The following KCNK10 variants were observed in gnomAD, a reference collection of about 807,000 sequenced individuals.
KCNK10 encodes the protein potassium channel subfamily K member 10.
In KCNK10, 25 loss-of-function variants were observed where a neutral mutation model predicts 47.7. The ratio of observed to expected loss-of-function variants is 0.52; its 90% CI spans 0.38 to 0.73. The LOEUF (loss-of-function observed/expected upper bound fraction) is 0.73, where lower values mean the gene tolerates loss of function less well. Ranked by LOEUF, KCNK10 falls within the 30% of genes least tolerant of loss-of-function variation. The pLI is 0.00. For missense variants in KCNK10, 563 were observed against 714.5 expected (o/e 0.79, Z 2.42); for synonymous variants, 303 against 285.6 (o/e 1.06, Z -0.61).
rs1884458031 is a variant in KCNK10, at chr14:88,184,073, C to G, written c.*1462G>C. The G allele has an allele frequency of 1.3e-5, 2 of 152,336 alleles. No individual in the cohort carries two copies. Among genetic ancestry groups the G allele is most frequent in the South Asian group, 2.1e-4 (1 of 4,816 alleles). 9.4% of individuals were successfully genotyped at this position (152,336 alleles called of 1,614,324 possible). A position where few individuals can be genotyped will look rare whatever the true frequency, so the allele number is the denominator to read the frequency against. ...ATTATGATAAAGACTGAGGCATACA[C>G]AGGAGTATGTATTTTCCCCTTTCTG... On this transcript the variant is annotated 3_prime_UTR_variant, in exon 7 of 7. Coordinates refer to ENST00000319231, the MANE Select transcript of KCNK10 (RefSeq NM_138317.3).
At chr14:88,286,594 A>C (rs1887765446) in intron 1 of KCNK10, among the ~76,000 whole-genome samples, 2 of 152,196 alleles carry the variant, frequency 1.3e-5, no homozygotes, top group African/African-American at 4.8e-5. Flanking sequence ...TGGGTAATTA[A>C]TTTATAAAGA....
At chr14:88,225,269 A>G (rs1279299040) in intron 4 of KCNK10, among the ~76,000 whole-genome samples, 2 of 152,246 alleles carry the variant, frequency 1.3e-5, no homozygotes, top group African/African-American at 4.8e-5. Context: ...ACCCTTTCCA[A>G]TAGCACCCTC....
chr14:88,325,648 G>A (rs1888645068), upstream of KCNK10, among the ~76,000 whole-genome samples: 1 of 151,064 alleles, frequency 6.6e-6, no homozygotes, highest in Admixed American at 6.6e-5. Context: ...GTTCGTTTGG[G>A]TAATGAAGGT....
rs192569652 is a variant in KCNK10, at chr14:88,181,121, G to A, written c.*4414C>T. The A allele has an allele frequency of 3.4e-5, 10 of 295,520 alleles. No homozygotes were observed. Among genetic ancestry groups the A allele is most frequent in the South Asian group, 1.6e-4 (1 of 6,086 alleles). 18.3% of individuals were successfully genotyped at this position (295,520 alleles called of 1,614,324 possible). Reference sequence around the variant, plus strand: ...GGGCTCTGAATGTTTGTTTTCCTACGCCTTTCCCGTGGTTCAGAAACCCTG... The same window carrying A: ...GGGCTCTGAATGTTTGTTTTCCTACACCTTTCCCGTGGTTCAGAAACCCTG... On this transcript the variant is annotated 3_prime_UTR_variant, in exon 7 of 7. Coordinates refer to ENST00000319231, the MANE Select transcript of KCNK10 (RefSeq NM_138317.3).
chr14:88,286,567 A>G (rs1171647399), intron 1 of KCNK10, among the ~76,000 whole-genome samples: 4 of 152,222 alleles, frequency 2.6e-5, no homozygotes, highest in Non-Finnish European at 5.9e-5. Flanking sequence ...CACTGCTGAT[A>G]AAGACATACC....
chr14:88,270,307 A>G (rs1479671155), intron 1 of KCNK10, among the ~76,000 whole-genome samples: 1 of 152,108 alleles, frequency 6.6e-6, no homozygotes, highest in African/African-American at 2.4e-5. Flanking sequence ...CTCCACCCAC[A>G]CCGGCCTCCA....
chr14:88,262,965 G>A (rs1423845701), intron 2 of KCNK10, among the ~76,000 whole-genome samples: 2 of 152,096 alleles, frequency 1.3e-5, no homozygotes, highest in East Asian at 1.9e-4. Flanking sequence ...GCCTGCTGCC[G>A]CCTCTGACCA....
chr14:88,274,011 A>C (rs758856394), intron 1 of KCNK10, among the ~76,000 whole-genome samples: 5 of 151,616 alleles, frequency 3.3e-5, no homozygotes, highest in African/African-American at 4.8e-5. Flanking sequence ...AAAAGCAGTT[A>C]TCTCTCCTCA....
intron 1 of KCNK10, among the ~76,000 whole-genome samples, chr14:88,280,384 C>T (rs1291382588): frequency 6.6e-6 from 1 of 152,156 alleles, no homozygotes; most frequent in Non-Finnish European, 1.5e-5. Context: ...ACTGGACTTC[C>T]GTGGGTTATT....
intron 4 of KCNK10, among the ~76,000 whole-genome samples, chr14:88,194,383 A>G (rs1449618112): frequency 6.6e-6 from 1 of 152,230 alleles, no homozygotes; most frequent in Admixed American, 6.5e-5. Context: ...TCAAAGCCCA[A>G]AAGGAGATTT....
At chr14:88,295,858 T>C (rs941776060) in intron 1 of KCNK10, among the ~76,000 whole-genome samples, 3 of 152,152 alleles carry the variant, frequency 2.0e-5, no homozygotes, top group African/African-American at 7.2e-5. Flanking sequence ...TCATGGGCTT[T>C]ATTAAAATAT....
At chr14:88,249,737 T>C (rs995814015) in intron 2 of KCNK10, among the ~76,000 whole-genome samples, 1 of 152,104 alleles carries the variant, frequency 6.6e-6, no homozygotes, top group Non-Finnish European at 1.5e-5. Flanking sequence ...TTTAAATGAG[T>C]TACTACACGT....
rs1888586515 is a variant in KCNK10, at chr14:88,323,176, G to C, written c.-378C>G. ...GCAGCCTGAAGGCTGGGGCTACGGAGAAGCCCACTGCAGTGTCACTCCAGC... is the reference window on the plus strand; with the variant it reads ...GCAGCCTGAAGGCTGGGGCTACGGACAAGCCCACTGCAGTGTCACTCCAGC... On this transcript the variant is annotated 5_prime_UTR_variant, in exon 1 of 7. Coordinates refer to ENST00000319231, the MANE Select transcript of KCNK10 (RefSeq NM_138317.3). The C allele has an allele frequency of 1.4e-5, 16 of 1,105,152 alleles. No homozygotes were observed. The highest frequency in any genetic ancestry group is 1.8e-5 in the Non-Finnish European group (16 of 901,030). The allele number at this position is 1,105,152 out of a possible 1,614,324, so 68.5% of individuals were successfully genotyped here.
At chr14:88,217,535 T>C (rs577067608) in intron 4 of KCNK10, among the ~76,000 whole-genome samples, 8 of 152,296 alleles carry the variant, frequency 5.3e-5, no homozygotes, top group Non-Finnish European at 8.8e-5. Context: ...TTTGAAATAA[T>C]AATTTTTATT....
chr14:88,301,884 A>C (rs1888107716), intron 1 of KCNK10, among the ~76,000 whole-genome samples: 1 of 152,136 alleles, frequency 6.6e-6, no homozygotes, highest in African/African-American at 2.4e-5. Context: ...GGTCAAGAGA[A>C]ATCAGATTCA....
intron 3 of KCNK10, among the ~76,000 whole-genome samples, chr14:88,236,325 A>G (rs1363826287): frequency 6.6e-6 from 1 of 152,138 alleles, no homozygotes; most frequent in African/African-American, 2.4e-5. Context: ...TCAAAAAAAA[A>G]AAAAGAAAAA....
intron 3 of KCNK10, among the ~76,000 whole-genome samples, chr14:88,232,166 G>A (rs1440283151): frequency 6.6e-6 from 1 of 152,174 alleles, no homozygotes; most frequent in African/African-American, 2.4e-5. Flanking sequence ...AACAGCTTAA[G>A]TTCCCAGGAA....
intron 1 of KCNK10, chr14:88,270,988 C>T (rs1483441184): frequency 8.1e-6 from 5 of 616,970 alleles, no homozygotes; most frequent in Non-Finnish European, 1.5e-5. Flanking sequence ...CCACAAGCAA[C>T]CTTTGCCCCA....
At chr14:88,321,546 A>G (rs905107988) in intron 1 of KCNK10, among the ~76,000 whole-genome samples, 10 of 152,178 alleles carry the variant, frequency 6.6e-5, no homozygotes, top group Non-Finnish European at 1.0e-4. Flanking sequence ...TCTCCCCCCA[A>G]AAAAGCAAAG....
Sources: gnomAD v4.1 joint callset for allele counts (sites outside exome capture counted in the v4.1 genomes callset) on GRCh38, gnomAD v4.1.1 for gene constraint, MANE v1.5 for transcripts, NCBI Gene and HGNC (gene_info 2026-07-23, HGNC 2026-07-21) for gene names.